BNC2: variants seen among roughly 807,000 people sequenced by gnomAD.
BNC2 encodes the protein basonuclin zinc finger protein 2, also known as zinc finger protein basonuclin-2.
Under a neutral mutation model 76.3 loss-of-function variants are expected in BNC2, and 20 were observed. The observed-to-expected ratio is 0.26, with a 90% confidence interval of 0.18 to 0.38. The LOEUF (loss-of-function observed/expected upper bound fraction) is 0.38. BNC2 is among the 10% of genes least tolerant of loss of function. BNC2 has a pLI of 1.00. For synonymous variants in BNC2, 582 were observed against 514.8 expected, an observed-to-expected ratio of 1.13 and a Z score of -1.77; for missense variants, 1,382 against 1,399.8, an observed-to-expected ratio of 0.99 and a Z score of 0.20.
intron 1 of BNC2, among the ~76,000 whole-genome samples, chr9:16,778,494 C>A (rs572555019): frequency 6.6e-6 from 1 of 152,178 alleles, no homozygotes; most frequent in Non-Finnish European, 1.5e-5. Context: ...AAACAATAAT[C>A]CAAAAAAGAA....
Position 16,679,507 on chromosome 9 carries a change from G to A in BNC2, c.330+48290C>T, listed in dbSNP as rs575570204. On this transcript the variant is annotated intron_variant, in intron 3 of 6. Coordinates refer to ENST00000380672, the MANE Select transcript of BNC2 (RefSeq NM_017637.6). ...GCATGGCAAATGGAATCTGAACTTA[G>A]CTTAACAGCCTCATTTATTCCTGAT... Among the ~76,000 whole-genome samples the A allele has an allele frequency of 3.9e-5, 6 of 152,290 alleles. No individual in the cohort carries two copies. In the East Asian group the frequency reaches 1.2e-3, roughly 29 times the overall value.
intron 1 of BNC2, among the ~76,000 whole-genome samples, chr9:16,781,598 C>T (rs1262090912): frequency 6.6e-6 from 1 of 152,184 alleles, no homozygotes; most frequent in African/African-American, 2.4e-5. Context: ...CCGCCCTGGC[C>T]TCCCAAAGTG....
intron 3 of BNC2, among the ~76,000 whole-genome samples, chr9:16,695,040 G>A (rs1482593080): frequency 6.6e-6 from 1 of 152,088 alleles, no homozygotes; most frequent in African/African-American, 2.4e-5. Context: ...AAAGTCAAAG[G>A]GAGTTATATT....
intron 1 of BNC2, among the ~76,000 whole-genome samples, chr9:16,749,120 GC>G (rs1825104265): frequency 6.6e-6 from 1 of 151,816 alleles, no homozygotes; most frequent in African/African-American, 2.4e-5. Flanking sequence ...CACAGTTCCT[GC>G]CTGCTTTTCA....
chr9:16,838,522 T>C (rs1280277623), intron 1 of BNC2, among the ~76,000 whole-genome samples: 1 of 152,074 alleles, frequency 6.6e-6, no homozygotes, highest in Non-Finnish European at 1.5e-5. Flanking sequence ...GAGCACTCCA[T>C]TGCACTCCAG....
At chr9:16,826,219 T>C (rs1381175837) in intron 1 of BNC2, among the ~76,000 whole-genome samples, 3 of 115,142 alleles carry the variant, frequency 2.6e-5, no homozygotes, top group Non-Finnish European at 3.5e-5. Flanking sequence ...CTTACTTCAC[T>C]CCCCCCCGCT....
At chr9:16,659,271 T>G (rs185085579) in intron 3 of BNC2, among the ~76,000 whole-genome samples, 599 of 152,310 alleles carry the variant, frequency 3.9e-3, no homozygotes, top group Non-Finnish European at 6.3e-3. Flanking sequence ...CGTGCCCTTC[T>G]GCAATTTCAG....
chr9:16,861,716 G>A (rs756986099), intron 1 of BNC2, among the ~76,000 whole-genome samples: 15 of 152,156 alleles, frequency 9.9e-5, no homozygotes, highest in African/African-American at 1.4e-4. Context: ...AGGGCCAGGC[G>A]CGGTGGCTCA....
At chr9:16,462,422 A>T (rs964491947) in intron 5 of BNC2, among the ~76,000 whole-genome samples, 1 of 152,194 alleles carries the variant, frequency 6.6e-6, no homozygotes, top group Non-Finnish European at 1.5e-5. Context: ...CTTGAATTAA[A>T]TGTTTGCCTT....
rs540389719 is a variant in BNC2, at chr9:16,617,425, T to C, written c.331-34340A>G. ...GAAAAGAATTATGAAAATGGCCCTA[T>C]TTTTAGTTCAAAGTAGAGTTTCCTC... On this transcript the variant is annotated intron_variant, in intron 3 of 6. Coordinates refer to ENST00000380672, the MANE Select transcript of BNC2 (RefSeq NM_017637.6). 1.3e-4 allele frequency among the ~76,000 whole-genome samples: 20 copies of C among 152,124 alleles called. 1 individual carries two copies. Among genetic ancestry groups the C allele is most frequent in the African/African-American group, 4.3e-4 (18 of 41,526 alleles).
At chr9:16,720,437 C>A (rs947438946) in intron 3 of BNC2, among the ~76,000 whole-genome samples, 1 of 152,100 alleles carries the variant, frequency 6.6e-6, no homozygotes, top group Non-Finnish European at 1.5e-5. Flanking sequence ...TTTCTGCCAA[C>A]CAAATATGAA....
At chr9:16,668,719 T>A (rs1563889767) in intron 3 of BNC2, among the ~76,000 whole-genome samples, 1 of 152,250 alleles carries the variant, frequency 6.6e-6, no homozygotes, top group Non-Finnish European at 1.5e-5. Flanking sequence ...AAAGGAAGAA[T>A]TGGCAGGGTG....
At chr9:16,556,746 G>A (rs1388223821) in intron 4 of BNC2, among the ~76,000 whole-genome samples, 3 of 146,360 alleles carry the variant, frequency 2.0e-5, no homozygotes, top group South Asian at 2.2e-4. Flanking sequence ...CCAGCCTGGC[G>A]ACAGAGCGAG....
chr9:16,668,356 C>A (rs1203728926), intron 3 of BNC2, among the ~76,000 whole-genome samples: 2 of 152,146 alleles, frequency 1.3e-5, no homozygotes, highest in Non-Finnish European at 2.9e-5. Context: ...ATGAAAAGAC[C>A]TTTAGATGAG....
intron 5 of BNC2, among the ~76,000 whole-genome samples, chr9:16,525,848 A>G (rs774573640): frequency 6.6e-6 from 1 of 152,192 alleles, no homozygotes; most frequent in African/African-American, 2.4e-5. Context: ...ACTATACCCC[A>G]ATATCACTTA....
At chr9:16,849,413 C>T (rs1014474145) in intron 1 of BNC2, among the ~76,000 whole-genome samples, 1 of 123,410 alleles carries the variant, frequency 8.1e-6, no homozygotes, top group African/African-American at 3.2e-5. Context: ...GGCTGGAGTA[C>T]AGTGGCGCAA....
chr9:16,863,946 G>C (rs571408265), intron 1 of BNC2, among the ~76,000 whole-genome samples: 3 of 152,012 alleles, frequency 2.0e-5, no homozygotes. Flanking sequence ...ACAAACTTTT[G>C]GGTAAAGAGG....
At chr9:16,594,167 A>G (rs1029534158) in intron 3 of BNC2, among the ~76,000 whole-genome samples, 1 of 152,176 alleles carries the variant, frequency 6.6e-6, no homozygotes, top group East Asian at 1.9e-4. Context: ...TCATTAAGCA[A>G]GAAGCAAGAC....
chr9:16,428,074 A>T (rs1331142854), intron 6 of BNC2, among the ~76,000 whole-genome samples: 1 of 152,232 alleles, frequency 6.6e-6, no homozygotes, highest in African/African-American at 2.4e-5. Flanking sequence ...GGATGCTAAT[A>T]TAGCTTGGAG....
Sources: allele counts gnomAD v4.1 joint callset (sites outside exome capture counted in the v4.1 genomes callset), GRCh38; gene constraint gnomAD v4.1.1; transcripts MANE v1.5; gene names NCBI Gene and HGNC (gene_info 2026-07-23, HGNC 2026-07-21).